Variants in FSIP2 observed in about 807,000 individuals in gnomAD.
The protein encoded by FSIP2 is fibrous sheath-interacting protein 2.
Under a neutral mutation model 510.5 loss-of-function variants are expected in FSIP2, and 367 were observed. The observed-to-expected ratio is 0.72, with a 90% CI of 0.66 to 0.78. The LOEUF is 0.78. Ranked by LOEUF, FSIP2 falls within the 30% of genes least tolerant of loss-of-function variation. The pLI, the probability that FSIP2 is intolerant of heterozygous loss-of-function variation, is 0.00. For synonymous variants in FSIP2, 2,601 were observed against 2,732.2 expected (o/e 0.95, Z 1.50); for missense variants, 7,594 against 7,901.7 (o/e 0.96, Z 1.48).
chr2:185,768,471 C>G (rs868077112), intron 13 of FSIP2, among the ~76,000 whole-genome samples: 18 of 152,038 alleles, frequency 1.2e-4, no homozygotes, highest in African/African-American at 4.3e-4. Context: ...TTTAATTCTT[C>G]TGCCTGTGGA....
chr2:185,808,622 T>G lies in FSIP2; in HGVS notation c.19316T>G (p.Phe6439Cys). The change falls in exon 17 of 23, where the codon TTT becomes TGT. Residue 6439 changes from phenylalanine to cysteine, a missense_variant. Transcript: ENST00000424728. ...CAACAATCAGGAACCAACAAAGAAT[T>G]TTATTATGATATAAAAGATACAAAT... is the stretch of plus-strand genomic sequence containing the variant. ...ILQQSGTNKE[F>C]YYDIKDTNTA... 6.2e-7 allele frequency: 1 copy of G among 1,602,776 alleles called. No individual in the cohort carries two copies. Among genetic ancestry groups the G allele is most frequent in the Non-Finnish European group, 8.5e-7 (1 of 1,175,116 alleles).
rs1194284843 is a variant in FSIP2 at position 185,800,848 on chromosome 2, G to T, written c.11542G>T (p.Val3848Phe). The change falls in exon 17 of 23, where the codon GTT (valine) becomes TTT (phenylalanine). Residue 3848 changes from valine (V) to phenylalanine (F), a missense_variant. Transcript: ENST00000424728. ...GCTTACTATTATTTCCCACAGCTTG[G>T]TTAAATCATTGATGGACAAATTATC... ...SMLTIISHSL[V>F]KSLMDKLSHS... The T allele has an allele frequency of 6.5e-7, 1 of 1,534,332 alleles. No individual in the cohort carries two copies. The highest frequency in any genetic ancestry group is 2.0e-5 in the Admixed American group (1 of 50,854).
intron 7 of FSIP2, among the ~76,000 whole-genome samples, chr2:185,750,603 G>GTT (rs71014622): frequency 0.013 from 1,823 of 136,276 alleles, 22 homozygotes; most frequent in South Asian, 0.021. Flanking sequence ...GCATTTCTCT[G>GTT]TTTTTTTTTT....
chr2:185,807,661 G>T lies in FSIP2; in HGVS notation c.18355G>T (p.Asp6119Tyr), dbSNP rs757727011. The T allele has an allele frequency of 6.2e-7, 1 of 1,612,882 alleles. No individual in the cohort carries two copies. Among genetic ancestry groups the T allele is most frequent in the Non-Finnish European group, 8.5e-7 (1 of 1,179,302 alleles). The change falls in exon 17 of 23, where the codon GAC (aspartate) becomes TAC (tyrosine). Residue 6119 changes from aspartate to tyrosine, a missense_variant. By Grantham distance (160) the Asp-to-Tyr change is radical. Coordinates refer to ENST00000424728, the MANE Select transcript of FSIP2 (RefSeq NM_173651.4). The stretch of plus-strand genomic sequence containing the variant: ...CAAAATCCTTTCAGAAAACATAGTT[G>T]ACTTGGTTCTACGAGAAGTGGCTAG... Reference protein sequence around the residue: ...GCKILSENIVDLVLREVASNQ... With the variant: ...GCKILSENIVYLVLREVASNQ...
intron 13 of FSIP2, among the ~76,000 whole-genome samples, chr2:185,780,289 T>C (rs955453150): frequency 2.0e-5 from 3 of 151,982 alleles, no homozygotes; most frequent in African/African-American, 7.2e-5. Context: ...TATCTTCTTC[T>C]GAGTATTAGA....
chr2:185,755,113 T>G (rs1692218495), intron 8 of FSIP2, among the ~76,000 whole-genome samples: 1 of 151,484 alleles, frequency 6.6e-6, no homozygotes, highest in Middle Eastern at 3.2e-3. Flanking sequence ...GTAAATTACA[T>G]GCCAAAAAGT....
chr2:185,793,118 G>C lies in FSIP2; in HGVS notation c.5982G>C (p.Leu1994=), dbSNP rs760072106. Reference sequence around the variant, plus strand: ...CAGGAAAGACCAACTTGTGCCAACTGTCTTTGTCTAAATTAAATACTTATG... The same window carrying C: ...CAGGAAAGACCAACTTGTGCCAACTCTCTTTGTCTAAATTAAATACTTATG... ...TKSGKTNLCQ[L]SLSKLNTYAL... is the part of the protein sequence containing the mutation. The change falls in exon 16 of 23, where the codon CTG becomes CTC. Residue 1994 remains leucine, a synonymous_variant. Coordinates refer to ENST00000424728, the MANE Select transcript of FSIP2 (RefSeq NM_173651.4). 2.0e-6 allele frequency: 3 copies of C among 1,534,348 alleles called. No homozygotes were observed. In the South Asian group the frequency reaches 3.6e-5, roughly 18 times the overall value.
At position 185,802,457 on chromosome 2, in the gene FSIP2, A is replaced by C; in HGVS notation, c.13151A>C (p.Gln4384Pro). 1 of 1,533,984 alleles carries C rather than the reference A, an allele frequency of 6.5e-7. No individual in the cohort carries two copies. The highest frequency in any genetic ancestry group is 8.7e-7 in the Non-Finnish European group (1 of 1,145,466). ...ATSVYRNALK[Q>P]HGLDLAVDKE... ...TCAGTTTATAGAAATGCTTTAAAGC[A>C]GCATGGGCTAGACCTTGCTGTTGAT... The change falls in exon 17 of 23, where the codon CAG becomes CCG. Residue 4384 changes from glutamine (Q) to proline (P), a missense_variant. Coordinates refer to ENST00000424728, the MANE Select transcript of FSIP2 (RefSeq NM_173651.4).
chr2:185,832,157 T>G (rs1208138248), intron 22 of FSIP2, among the ~76,000 whole-genome samples: 1 of 151,868 alleles, frequency 6.6e-6, no homozygotes, highest in African/African-American at 2.4e-5. Context: ...AAAGTGAGAA[T>G]CATTAAAGAG....
At chr2:185,764,161 A>C (rs2105562027) in intron 12 of FSIP2, among the ~76,000 whole-genome samples, 1 of 151,810 alleles carries the variant, frequency 6.6e-6, no homozygotes. Flanking sequence ...GTGCACTATC[A>C]GCATTGCCAT....
In FSIP2 at chr2:185,788,920, C is replaced by A. The variant is rs1410350917; in HGVS notation, c.1784C>A (p.Pro595Gln). The change falls in exon 16 of 23, where the codon CCA (proline) becomes CAA (glutamine). Residue 595 changes from proline (P) to glutamine (Q), a missense_variant. Coordinates refer to ENST00000424728, the MANE Select transcript of FSIP2 (RefSeq NM_173651.4). ...GTAGTTGACACGTCAGTAAGGAGAC[C>A]AACCACACCTATAAAACCTCCTCCT... ...AFVVDTSVRR[P>Q]TTPIKPPPAH... 6.5e-7 allele frequency: 1 copy of A among 1,535,016 alleles called. No individual in the cohort carries two copies. The highest frequency in any genetic ancestry group is 1.4e-5 in the African/African-American group (1 of 73,050).
At chr2:185,824,990 A>T (rs1693991142) in intron 20 of FSIP2, among the ~76,000 whole-genome samples, 1 of 151,742 alleles carries the variant, frequency 6.6e-6, no homozygotes, top group African/African-American at 2.4e-5. Context: ...AGGTTCTCTA[A>T]CTGTCAAGAC....
Position 185,807,030 on chromosome 2 carries a change from T to A in FSIP2, c.17724T>A (p.Ile5908=). The change falls in exon 17 of 23, where the codon ATT becomes ATA. Residue 5908 remains isoleucine (I), a synonymous_variant. Transcript: ENST00000424728. ...CTTCTTCAGATAAGATACCATCAAT[T>A]GACAAAACATTGGTCAATAAAGTTG... The part of the protein sequence containing the change: ...RKPSSDKIPS[I]DKTLVNKVVH... 1 of 1,596,010 alleles carries A rather than the reference T, an allele frequency of 6.3e-7. No individual in the cohort carries two copies. The highest frequency in any genetic ancestry group is 8.5e-7 in the Non-Finnish European group (1 of 1,174,176).
Position 185,795,350 on chromosome 2 carries a change from T to C in FSIP2, c.8214T>C (p.Tyr2738=), listed in dbSNP as rs989611036. The C allele has an allele frequency of 6.5e-7, 1 of 1,534,808 alleles. No homozygotes were observed. Among genetic ancestry groups the C allele is most frequent in the Non-Finnish European group, 8.7e-7 (1 of 1,146,158 alleles). Reference sequence around the variant, plus strand: ...TGCCCACTTCAGAACTAAAAATATATGCCAAGGATATAATAATTAACATCC... The same window carrying C: ...TGCCCACTTCAGAACTAAAAATATACGCCAAGGATATAATAATTAACATCC... ...TKLPTSELKI[Y]AKDIIINILE... The change falls in exon 16 of 23, where the codon TAT becomes TAC. Residue 2738 remains tyrosine (Y), a synonymous_variant. Coordinates refer to ENST00000424728, the MANE Select transcript of FSIP2 (RefSeq NM_173651.4).
Position 185,792,994 on chromosome 2 carries a change from C to G in FSIP2, c.5858C>G (p.Pro1953Arg), listed in dbSNP as rs929690911. 8 of 1,534,312 alleles carry G rather than the reference C, an allele frequency of 5.2e-6. No individual in the cohort carries two copies. Among genetic ancestry groups the G allele is most frequent in the Non-Finnish European group, 6.1e-6 (7 of 1,145,688 alleles). ...QVNFTVPVAL[P>R]IQQDHSTLSK... ...AACTTTACAGTTCCAGTGGCTTTAC[C>G]TATTCAGCAAGATCACAGTACATTG... is the stretch of plus-strand genomic sequence containing the variant. The change falls in exon 16 of 23, where the codon CCT becomes CGT. Residue 1953 changes from proline (P) to arginine (R), a missense_variant. Transcript: ENST00000424728.
At chr2:185,756,137 G>A (rs1004630375) in intron 8 of FSIP2, 55 bp from the exon 9 acceptor site, 3 of 673,222 alleles carry the variant, frequency 4.5e-6, no homozygotes, top group Admixed American at 5.8e-5. Flanking sequence ...GTCTATCTTG[G>A]GTAATTCTGT....
At chr2:185,815,584 C>A in intron 19 of FSIP2, 113 bp downstream of exon 19, 1 of 509,586 alleles carries the variant, frequency 2.0e-6, no homozygotes, top group Non-Finnish European at 3.5e-6. Flanking sequence ...TCAGACCTTC[C>A]CCAACTTCTT....
chr2:185,788,673 C>A lies in FSIP2; in HGVS notation c.1537C>A (p.Gln513Lys). 1 of 1,518,570 alleles carries A rather than the reference C, an allele frequency of 6.6e-7. No individual in the cohort carries two copies. Among genetic ancestry groups the A allele is most frequent in the South Asian group, 1.2e-5 (1 of 80,972 alleles). 94.1% of individuals were successfully genotyped at this position (1,518,570 alleles called of 1,614,324 possible). A position where few individuals can be genotyped will look rare whatever the true frequency, so the allele number is the denominator to read the frequency against. ...VTSEELNIII[Q>K]NVMTWVVATV... is the part of the protein sequence containing the mutation. ...TTCTGAAGAACTGAATATTATAATT[C>A]AGAATGTAATGACCTGGGTTGTGGC... Residue 513 changes from glutamine to lysine, a missense_variant, in exon 16 of 23, where the codon CAG becomes AAG. Gln to Lys is a moderately conservative substitution (Grantham distance 53). Coordinates refer to ENST00000424728, the MANE Select transcript of FSIP2 (RefSeq NM_173651.4).
chr2:185,799,737 G>A lies in FSIP2; in HGVS notation c.10431G>A (p.Arg3477=). The A allele has an allele frequency of 6.8e-7, 1 of 1,462,288 alleles. No individual in the cohort carries two copies. Among genetic ancestry groups the A allele is most frequent in the South Asian group, 1.4e-5 (1 of 72,998 alleles). The allele number at this position is 1,462,288 out of a possible 1,614,324, so 90.6% of individuals were successfully genotyped here. ...AGATGTCTGTTTCTACATGGTCAAG[G>A]AAAAAATATGAATCAAAACAGTTCC... ...EEKMSVSTWS[R]KKYESKQFLR... The change falls in exon 17 of 23, where the codon AGG becomes AGA. Residue 3477 remains arginine (R), a synonymous_variant. Coordinates refer to ENST00000424728, the MANE Select transcript of FSIP2 (RefSeq NM_173651.4).
Sources: gnomAD v4.1 joint callset for allele counts (sites outside exome capture counted in the v4.1 genomes callset) on GRCh38, gnomAD v4.1.1 for gene constraint, MANE v1.5 for transcripts, NCBI Gene and HGNC (gene_info 2026-07-23, HGNC 2026-07-21) for gene names.